CCDC174: variants seen among roughly 807,000 people sequenced by gnomAD.
The protein encoded by CCDC174 is coiled-coil domain containing 174.
Under a neutral mutation model 57.1 loss-of-function variants are expected in CCDC174, and 37 were observed. The observed-to-expected ratio is 0.65, with a 90% CI of 0.50 to 0.85. The LOEUF is 0.85. Among genes scored for constraint, CCDC174 ranks in the 40% least tolerant of loss-of-function variants. CCDC174 has a pLI of 0.00. For missense variants in CCDC174, 540 were observed against 574.3 expected, an observed-to-expected ratio of 0.94 and a Z score of 0.61; for synonymous variants, 182 against 190.2, an observed-to-expected ratio of 0.96 and a Z score of 0.35.
At chr3:14,660,939 A>G (rs1341409709) in intron 4 of CCDC174, among the ~76,000 whole-genome samples, 1 of 152,176 alleles carries the variant, frequency 6.6e-6, no homozygotes, top group African/African-American at 2.4e-5. Context: ...CGAGTGGACC[A>G]TAAGCCCTGC....
Position 14,655,522 on chromosome 3 carries a change from T to C in CCDC174, c.148-7T>C. ...GTTCTGTTTTGTCTTCTAAAATTAT[T>C]CTCCAGAAACCAAGTATCTGGAGCA... On this transcript the variant is annotated splice_polypyrimidine_tract_variant and splice_region_variant and intron_variant, in intron 2 of 10. Transcript: ENST00000383794. The C allele has an allele frequency of 6.3e-7, 1 of 1,587,932 alleles. No homozygotes were observed. Among genetic ancestry groups the C allele is most frequent in the Non-Finnish European group, 8.6e-7 (1 of 1,165,684 alleles).
At chr3:14,659,038 A>G in intron 4 of CCDC174, 109 bp downstream of exon 4, 1 of 1,068,588 alleles carries the variant, frequency 9.4e-7, no homozygotes, top group Non-Finnish European at 1.3e-6. Context: ...TTTAGACGTC[A>G]AAATTTTACT....
chr3:14,667,210 C>G, intron 7 of CCDC174: 2 of 616,408 alleles, frequency 3.2e-6, no homozygotes, highest in South Asian at 2.1e-5. Context: ...CAAACGAACC[C>G]TTGTTATGCT....
chr3:14,671,278 G>T lies in CCDC174; in HGVS notation c.*84G>T, dbSNP rs775823632. 25 of 1,369,280 alleles carry T rather than the reference G, an allele frequency of 1.8e-5. No homozygotes were observed. In the Admixed American group the frequency reaches 2.9e-4, roughly 16 times the overall value. 84.8% of individuals were successfully genotyped at this position (1,369,280 alleles called of 1,614,324 possible). Reference sequence around the variant, plus strand: ...GAGAAATAACTTTAGGAACTGAATTGTACCTTTGTCCTGTCCTTTCCCTAG... The same window carrying T: ...GAGAAATAACTTTAGGAACTGAATTTTACCTTTGTCCTGTCCTTTCCCTAG... On this transcript the variant is annotated 3_prime_UTR_variant, in exon 11 of 11. Transcript: ENST00000383794.
In CCDC174 at chr3:14,671,086, C is replaced by G; in HGVS notation, c.1296C>G (p.Ser432Arg). Residue 432 changes from serine to arginine, a missense_variant, in exon 11 of 11, where the codon AGC becomes AGG. By Grantham distance (110) the Ser-to-Arg change is moderately radical. Transcript: ENST00000383794. ...GCCCTGACCAGAGCCACGGACCTAG[C>G]CCTGAACATACGTCACCCACTCCTG... ...GQCPDQSHGP[S>R]PEHTSPTPAP... is the part of the protein sequence containing the mutation. The G allele has an allele frequency of 6.2e-7, 1 of 1,614,164 alleles. No individual in the cohort carries two copies. The highest frequency in any genetic ancestry group is 8.5e-7 in the Non-Finnish European group (1 of 1,180,024).
At chr3:14,662,697 C>A (rs569598473) in intron 5 of CCDC174, among the ~76,000 whole-genome samples, 1 of 152,296 alleles carries the variant, frequency 6.6e-6, no homozygotes, top group South Asian at 2.1e-4. Flanking sequence ...CAAATGTCCT[C>A]CTTGTGGTGG....
At chr3:14,668,850 G>C (rs2031425745) in intron 9 of CCDC174, among the ~76,000 whole-genome samples, 2 of 152,176 alleles carry the variant, frequency 1.3e-5, no homozygotes, top group Admixed American at 1.3e-4. Flanking sequence ...GAGTAGCTCT[G>C]CCCTAGATGG....
At chr3:14,658,964 A>G (rs1362528204) in intron 4 of CCDC174, 35 bp downstream of exon 4, 10 of 1,452,732 alleles carry the variant, frequency 6.9e-6, no homozygotes, top group South Asian at 1.2e-5. Flanking sequence ...TTCATTTTCT[A>G]TAATGCATAC....
intron 2 of CCDC174, among the ~76,000 whole-genome samples, chr3:14,655,178 G>T (rs2030908480): frequency 6.6e-6 from 1 of 152,090 alleles, no homozygotes; most frequent in Non-Finnish European, 1.5e-5. Flanking sequence ...AGGCATGGTG[G>T]TGCGCACCTG....
chr3:14,662,302 C>T (rs1168181720), intron 5 of CCDC174, among the ~76,000 whole-genome samples: 1 of 152,036 alleles, frequency 6.6e-6, no homozygotes, highest in East Asian at 1.9e-4. Flanking sequence ...GATTATAATG[C>T]CTCATTCCCA....
At chr3:14,652,417 AT>A (rs1260190466) in intron 1 of CCDC174, among the ~76,000 whole-genome samples, 4 of 152,192 alleles carry the variant, frequency 2.6e-5, no homozygotes, top group Non-Finnish European at 5.9e-5. Flanking sequence ...ATGTAAGCAG[AT>A]TTATTACATC....
intron 4 of CCDC174, among the ~76,000 whole-genome samples, chr3:14,659,874 G>A (rs1050871842): frequency 9.9e-5 from 15 of 152,144 alleles, no homozygotes; most frequent in African/African-American, 3.6e-4. Flanking sequence ...ATCCTGCAGG[G>A]GTAGATTGGT....
chr3:14,653,233 T>C (rs1448596765), intron 1 of CCDC174, among the ~76,000 whole-genome samples: 1 of 152,212 alleles, frequency 6.6e-6, no homozygotes, highest in Non-Finnish European at 1.5e-5. Context: ...AAGAATGCTA[T>C]TTGAGAATTT....
intron 1 of CCDC174, 97 bp from the exon 2 acceptor site, chr3:14,654,329 C>G: frequency 1.4e-6 from 1 of 690,748 alleles, no homozygotes; most frequent in Non-Finnish European, 2.5e-6. Context: ...GTCCATTTAG[C>G]GGAACTTGAA....
Position 14,666,880 on chromosome 3 carries a change from G to A in CCDC174, c.657G>A (p.Glu219=), listed in dbSNP as rs779104848. 1.2e-6 allele frequency: 2 copies of A among 1,607,398 alleles called. No homozygotes were observed. The highest frequency in any genetic ancestry group is 2.2e-5 in the South Asian group (2 of 89,642). The change falls in exon 7 of 11, where the codon GAG becomes GAA. Residue 219 remains glutamate (E), a synonymous_variant. Transcript: ENST00000383794. ...MRKELQRQQW[E]EEEREALKRP... ...AAGAACTTCAGCGCCAGCAATGGGA[G>A]GAAGAAGAAAGAGAGGCCCTGAAGA...
At chr3:14,657,682 A>G (rs1368317240) in intron 3 of CCDC174, among the ~76,000 whole-genome samples, 1 of 151,908 alleles carries the variant, frequency 6.6e-6, no homozygotes, top group Non-Finnish European at 1.5e-5. Context: ...ACCATTCTCT[A>G]TTTTGCTCAG....
Position 14,661,208 on chromosome 3 carries a change from C to T in CCDC174, c.308-322C>T, listed in dbSNP as rs149349681. Among the ~76,000 whole-genome samples the T allele has an allele frequency of 1.4e-4, 21 of 152,266 alleles. No individual in the cohort carries two copies. In the East Asian group the frequency reaches 2.9e-3, roughly 21 times the overall value. On this transcript the variant is annotated intron_variant, in intron 4 of 10. Coordinates refer to ENST00000383794, the MANE Select transcript of CCDC174 (RefSeq NM_016474.5). ...GACACGGAAAATGCAGTTTTGCTTC[C>T]GTATGATGTAATTGGTTGGATGAGT...
At chr3:14,667,540 C>T in intron 8 of CCDC174, 22 bp downstream of exon 8, 1 of 1,576,670 alleles carries the variant, frequency 6.3e-7, no homozygotes, top group Non-Finnish European at 8.7e-7. Context: ...TCCCAAGTGA[C>T]TGTGAGGAAA....
At chr3:14,665,795 C>T (rs140582493) in intron 6 of CCDC174, among the ~76,000 whole-genome samples, 1,578 of 152,018 alleles carry the variant, frequency 0.01, 17 homozygotes, top group Non-Finnish European at 0.015. Context: ...CTTTGGGAGG[C>T]CGAGGCGGGC....
Sources: gnomAD v4.1 joint callset for allele counts (sites outside exome capture counted in the v4.1 genomes callset) on GRCh38, gnomAD v4.1.1 for gene constraint, MANE v1.5 for transcripts, NCBI Gene and HGNC (gene_info 2026-07-23, HGNC 2026-07-21) for gene names.